EYS: variants seen among roughly 807,000 people sequenced by gnomAD.
The protein encoded by EYS is protein eyes shut homolog.
In EYS, 250 loss-of-function variants were observed where a neutral mutation model predicts 282.1. The ratio of observed to expected loss-of-function variants is 0.89; its 90% CI spans 0.80 to 0.98. The LOEUF is 0.98. Ranked by LOEUF, EYS falls within the 50% of genes least tolerant of loss-of-function variation. EYS has a pLI of 0.00. For synonymous variants in EYS, 1,355 were observed against 1,282.9 expected, an observed-to-expected ratio of 1.06 and a Z score of -1.20; for missense variants, 4,016 against 3,709.0, an observed-to-expected ratio of 1.08 and a Z score of -2.15.
chr6:65,295,952 T>C lies in EYS; in HGVS notation c.1934A>G (p.Glu645Gly), dbSNP rs2150286266. 1 of 1,551,188 alleles carries C rather than the reference T, an allele frequency of 6.4e-7. No homozygotes were observed. The highest frequency in any genetic ancestry group is 1.2e-5 in the South Asian group (1 of 84,054). ...YERNICEIDT[E>G]DCKSASCKNG... ...TTTGCAGGACGCAGATTTGCAGTCT[T>C]CAGTATCTATCTCACAGATGTTCCT... Residue 645 changes from glutamate to glycine, a missense_variant, in exon 12 of 43, where the codon GAA (glutamate) becomes GGA (glycine). Physicochemically the swap from Glu to Gly is moderately conservative, Grantham distance 98. Transcript: ENST00000503581.
At chr6:65,584,343 A>G (rs1271202052) in intron 2 of EYS, among the ~76,000 whole-genome samples, 3 of 152,052 alleles carry the variant, frequency 2.0e-5, no homozygotes, top group African/African-American at 7.2e-5. Flanking sequence ...GTAAAATGGA[A>G]CAGGAGAACT....
intron 22 of EYS, among the ~76,000 whole-genome samples, chr6:64,649,697 A>G (rs1768487799): frequency 6.6e-6 from 1 of 152,124 alleles, no homozygotes; most frequent in Non-Finnish European, 1.5e-5. Flanking sequence ...TTTGTTTTCT[A>G]TTTTACCATC....
At chr6:65,680,958 C>A (rs2130491) in intron 1 of EYS, among the ~76,000 whole-genome samples, 1 of 151,668 alleles carries the variant, frequency 6.6e-6, no homozygotes, top group Non-Finnish European at 1.5e-5. Flanking sequence ...TTGCCTCCCA[C>A]TGGCCACCGG....
At chr6:64,391,952 CA>C (rs1258470002) in intron 28 of EYS, among the ~76,000 whole-genome samples, 143 of 150,884 alleles carry the variant, frequency 9.5e-4, no homozygotes, top group Non-Finnish European at 1.5e-3. Flanking sequence ...AAATGGAAAA[CA>C]AAAAAAGGCA....
chr6:64,163,157 C>T (rs1194688006), intron 31 of EYS, among the ~76,000 whole-genome samples: 1 of 151,936 alleles, frequency 6.6e-6, no homozygotes, highest in East Asian at 1.9e-4. Context: ...GTAAAAAAGC[C>T]TATTAGCCTA....
chr6:64,221,636 G>A (rs192448295), intron 31 of EYS, among the ~76,000 whole-genome samples: 1 of 152,122 alleles, frequency 6.6e-6, no homozygotes, highest in East Asian at 1.9e-4. Context: ...GTTACTCCAT[G>A]GGCAAATGCC....
At chr6:64,464,593 T>A (rs1775856458) in intron 26 of EYS, among the ~76,000 whole-genome samples, 1 of 151,978 alleles carries the variant, frequency 6.6e-6, no homozygotes. Flanking sequence ...ATTCAGCAAA[T>A]TTGCAAAATA....
rs1302875240 is a variant in EYS at position 63,721,552 on chromosome 6, A to G, written c.8479T>C (p.Ser2827Pro). Residue 2827 changes from serine (S) to proline (P), a missense_variant, in exon 43 of 43, where the codon TCT becomes CCT. Ser to Pro is a moderately conservative substitution (Grantham distance 74). Transcript: ENST00000503581. The stretch of plus-strand genomic sequence containing the variant: ...ATGGGATTTACAAGATTTAAAGAAG[A>G]TACTCCTCCAATATAGAAGTCTGTA... ...TNTDFYIGGVSSLNLVNPMAI... is the reference protein window; with the variant it reads ...TNTDFYIGGVPSLNLVNPMAI... 5 of 1,551,762 alleles carry G rather than the reference A, an allele frequency of 3.2e-6. No individual in the cohort carries two copies. Among genetic ancestry groups the G allele is most frequent in the Non-Finnish European group, 3.5e-6 (4 of 1,146,888 alleles).
intron 18 of EYS, among the ~76,000 whole-genome samples, chr6:64,888,016 T>A (rs1391156663): frequency 6.6e-6 from 1 of 152,130 alleles, no homozygotes; most frequent in Non-Finnish European, 1.5e-5. Flanking sequence ...CAGGATCATG[T>A]ATGTTGTTAC....
intron 26 of EYS, among the ~76,000 whole-genome samples, chr6:64,514,285 T>C (rs1396209237): frequency 1.3e-5 from 2 of 151,846 alleles, no homozygotes; most frequent in African/African-American, 2.4e-5. Flanking sequence ...TGTCAGAAGA[T>C]AGAAATCATT....
chr6:65,045,365 G>C (rs1382331449), intron 13 of EYS, among the ~76,000 whole-genome samples: 1 of 151,800 alleles, frequency 6.6e-6, no homozygotes, highest in Non-Finnish European at 1.5e-5. Flanking sequence ...ATTGTATCCT[G>C]CTATAGTCTG....
Position 64,298,001 on chromosome 6 carries a change from T to TAAAAAAAA in EYS, c.6191+8968_6191+8969insTTTTTTTT, listed in dbSNP as rs1769097836. Among the ~76,000 whole-genome samples the TAAAAAAAA allele has an allele frequency of 9.0e-5, 12 of 134,016 alleles. 1 individual carries two copies. The highest frequency in any genetic ancestry group is 3.6e-4 in the African/African-American group (12 of 33,406). The allele number at this position is 134,016 out of a possible 152,430, so 87.9% of individuals were successfully genotyped here. On this transcript the variant is annotated intron_variant, in intron 30 of 42. Transcript: ENST00000503581. Reference sequence around the variant, plus strand: ...TCAAAAAAAAAAAAAAAAAAAAAATTAGGTAGAAATTAAGACATTCCCAGA... The same window carrying TAAAAAAAA: ...TCAAAAAAAAAAAAAAAAAAAAAATTAAAAAAAAAGGTAGAAATTAAGACATTCCCAGA...
At chr6:65,334,189 A>AT (rs543520806) in intron 11 of EYS, among the ~76,000 whole-genome samples, 2 of 151,548 alleles carry the variant, frequency 1.3e-5, no homozygotes, top group African/African-American at 2.4e-5. Context: ...TTGTACCTGT[A>AT]TTTTTTTCAT....
At chr6:64,945,724 TG>T in intron 15 of EYS, 68 bp downstream of exon 15, 1 of 1,378,280 alleles carries the variant, frequency 7.3e-7, no homozygotes, top group African/African-American at 1.4e-5. Context: ...AAATAATGTC[TG>T]GATGTATCCC....
intron 5 of EYS, among the ~76,000 whole-genome samples, chr6:65,463,190 T>G (rs936780987): frequency 2.0e-5 from 3 of 152,114 alleles, no homozygotes; most frequent in Non-Finnish European, 4.4e-5. Context: ...TGACTCTTAC[T>G]TGCTTATCTG....
At chr6:64,566,868 A>G (rs74800759) in intron 26 of EYS, among the ~76,000 whole-genome samples, 4,600 of 152,096 alleles carry the variant, frequency 0.03, 151 homozygotes, top group East Asian at 0.11. Flanking sequence ...CCACCTCCAC[A>G]GTTCACATGA....
chr6:65,155,546 T>C (rs1047696012), intron 12 of EYS, among the ~76,000 whole-genome samples: 2 of 151,626 alleles, frequency 1.3e-5, no homozygotes, highest in Admixed American at 6.6e-5. Flanking sequence ...TGCTGAAATG[T>C]ATAGATTCAT....
chr6:65,477,854 C>T (rs371925295), intron 5 of EYS, among the ~76,000 whole-genome samples: 7 of 151,820 alleles, frequency 4.6e-5, no homozygotes, highest in East Asian at 1.9e-4. Context: ...TGATTCTTTT[C>T]GTTCTACACA....
intron 12 of EYS, among the ~76,000 whole-genome samples, chr6:65,148,507 AGGGTACCGTGCCCCTCCT>A (rs1197478085): frequency 1.3e-5 from 2 of 152,142 alleles, no homozygotes; most frequent in African/African-American, 4.8e-5. Flanking sequence ...GTGGCTTTTC[AGGGTACCGTGCCCCTCCT>A]GGCTGCTTTC....
Sources: gnomAD v4.1 joint callset for allele counts (sites outside exome capture counted in the v4.1 genomes callset) on GRCh38, gnomAD v4.1.1 for gene constraint, MANE v1.5 for transcripts, NCBI Gene and HGNC (gene_info 2026-07-23, HGNC 2026-07-21) for gene names.